ATG13: variants seen among roughly 807,000 people sequenced by gnomAD.
ATG13 encodes autophagy related 13, also known as autophagy-related protein 13.
In ATG13, 23 loss-of-function variants were observed where a neutral mutation model predicts 65.5. The ratio of observed to expected loss-of-function variants is 0.35; its 90% CI spans 0.25 to 0.50. The LOEUF is 0.50. ATG13 is among the 20% of genes least tolerant of loss of function. The probability of loss-of-function intolerance (pLI) is 0.98; values close to 1 mark genes in which losing one functional copy is unlikely to be tolerated. For synonymous variants in ATG13, 252 were observed against 245.2 expected, an observed-to-expected ratio of 1.03 and a Z score of -0.26; for missense variants, 566 against 677.0, an observed-to-expected ratio of 0.84 and a Z score of 1.82.
At chr11:46,640,864 C>T (rs2055751518) in intron 2 of ATG13, among the ~76,000 whole-genome samples, 1 of 152,140 alleles carries the variant, frequency 6.6e-6, no homozygotes, top group African/African-American at 2.4e-5. Flanking sequence ...AGCACTTGAA[C>T]GCTGCTGGAC....
At chr11:46,644,463 C>A in intron 3 of ATG13, 103 bp downstream of exon 3, 1 of 1,034,388 alleles carries the variant, frequency 9.7e-7, no homozygotes, top group Non-Finnish European at 1.4e-6. Context: ...CAGCTTGCAG[C>A]TTGCCCATTT....
chr11:46,645,477 A>C, intron 4 of ATG13, 58 bp downstream of exon 4: 5 of 1,458,898 alleles, frequency 3.4e-6, no homozygotes, highest in Non-Finnish European at 4.8e-6. Flanking sequence ...AGGAATGTGT[A>C]AAGTTCTCAA....
Position 46,667,855 on chromosome 11 carries a change from G to A in ATG13, c.1219G>A (p.Val407Met), listed in dbSNP as rs1015574920. 6.2e-7 allele frequency: 1 copy of A among 1,612,910 alleles called. No individual in the cohort carries two copies. Among genetic ancestry groups the A allele is most frequent in the Non-Finnish European group, 8.5e-7 (1 of 1,178,978 alleles). ...CTTGGAGACCATCTTTGTCCGAAAA[G>A]TGGGGGCTTTTGTCAACAAACCCAT... ...DVLETIFVRKVGAFVNKPINQ... is the reference protein window; with the variant it reads ...DVLETIFVRKMGAFVNKPINQ... The change falls in exon 15 of 19, where the codon GTG becomes ATG. Residue 407 changes from valine (V) to methionine (M), a missense_variant. Val to Met is a conservative substitution (Grantham distance 21, BLOSUM62 1). Coordinates refer to ENST00000683050, the MANE Select transcript of ATG13 (RefSeq NM_001346311.2).
intron 14 of ATG13, 113 bp from the exon 15 acceptor site, chr11:46,667,660 T>G: frequency 1.5e-6 from 1 of 688,134 alleles, no homozygotes; most frequent in Non-Finnish European, 2.4e-6. Context: ...GATGGGCCAG[T>G]GGGGACCAAC....
At chr11:46,618,208 G>A (rs536012302) in intron 1 of ATG13, 28 of 266,524 alleles carry the variant, frequency 1.1e-4, no homozygotes, top group African/African-American at 5.3e-4. Context: ...AGTGAGGTAG[G>A]TTTTCATTCA....
At chr11:46,657,693 G>A in intron 10 of ATG13, 71 bp downstream of exon 10, 5 of 1,366,350 alleles carry the variant, frequency 3.7e-6, no homozygotes, top group Non-Finnish European at 5.0e-6. Context: ...CAAGCACATG[G>A]AACACTTTTC....
At chr11:46,628,082 C>CA (rs561371295) in intron 1 of ATG13, among the ~76,000 whole-genome samples, 5,191 of 51,918 alleles carry the variant, frequency 0.1, 432 homozygotes, top group African/African-American at 0.27. Flanking sequence ...GACCTTGTCT[C>CA]AAAAAAAAAA....
In ATG13 at chr11:46,644,303, T is replaced by C; in HGVS notation, c.12T>C (p.Asp4=). 6.2e-7 allele frequency: 1 copy of C among 1,605,610 alleles called. No individual in the cohort carries two copies. The highest frequency in any genetic ancestry group is 1.1e-5 in the South Asian group (1 of 89,040). MET[D]LNSQDRKDLD... is the part of the protein sequence containing the mutation. ...GATTCCTATAGGCAATGGAAACTGA[T>C]CTCAATTCCCAGGACAGAAAGGACC... The change falls in exon 3 of 19, where the codon GAT becomes GAC. Residue 4 remains aspartate (D), a synonymous_variant. Transcript: ENST00000683050.
At chr11:46,658,631 G>T (rs2060510529) in intron 10 of ATG13, among the ~76,000 whole-genome samples, 1 of 151,808 alleles carries the variant, frequency 6.6e-6, no homozygotes, top group Non-Finnish European at 1.5e-5. Context: ...CACCTCTTGG[G>T]TTCAAACAGT....
intron 11 of ATG13, among the ~76,000 whole-genome samples, chr11:46,662,764 A>T (rs531520742): frequency 6.6e-6 from 1 of 152,264 alleles, no homozygotes; most frequent in South Asian, 2.1e-4. Flanking sequence ...TTTCTTAGTG[A>T]CTTGCATAAT....
chr11:46,667,703 G>A, intron 14 of ATG13, 70 bp from the exon 15 acceptor site: 1 of 1,229,664 alleles, frequency 8.1e-7, no homozygotes, highest in Admixed American at 1.9e-5. Flanking sequence ...ACCAGATGGT[G>A]TATTTATAGT....
chr11:46,648,967 A>T, intron 5 of ATG13, 170 bp from the exon 6 acceptor site: 1 of 504,324 alleles, frequency 2.0e-6, no homozygotes, highest in Non-Finnish European at 3.4e-6. Context: ...TCAAAATAGC[A>T]TATAGACTGT....
chr11:46,619,096 T>C (rs1172697402), intron 1 of ATG13, among the ~76,000 whole-genome samples: 2 of 152,186 alleles, frequency 1.3e-5, no homozygotes, highest in African/African-American at 4.8e-5. Flanking sequence ...AACCGTCATT[T>C]TTCCTGCATG....
At chr11:46,619,994 A>G (rs1229106635) in intron 1 of ATG13, among the ~76,000 whole-genome samples, 3 of 144,014 alleles carry the variant, frequency 2.1e-5, no homozygotes, top group African/African-American at 2.6e-5. Flanking sequence ...ACGCCATTGC[A>G]CTCCAGCCCG....
At chr11:46,619,543 C>T (rs2046658559) in intron 1 of ATG13, among the ~76,000 whole-genome samples, 1 of 151,378 alleles carries the variant, frequency 6.6e-6, no homozygotes, top group African/African-American at 2.4e-5. Context: ...TGCCAGCACG[C>T]CCAGCTAATT....
chr11:46,656,159 T>G, intron 7 of ATG13, 74 bp from the exon 8 acceptor site: 1 of 1,331,346 alleles, frequency 7.5e-7, no homozygotes, highest in Non-Finnish European at 1.1e-6. Context: ...TTATTTTGTT[T>G]CTACGTGTTT....
intron 1 of ATG13, among the ~76,000 whole-genome samples, chr11:46,622,100 T>C (rs1337334297): frequency 3.0e-5 from 2 of 67,566 alleles, no homozygotes; most frequent in African/African-American, 6.8e-5. Flanking sequence ...TATATATATA[T>C]ATATATATAT....
intron 15 of ATG13, 65 bp downstream of exon 15, chr11:46,667,952 G>C: frequency 7.6e-7 from 1 of 1,321,704 alleles, no homozygotes; most frequent in East Asian, 2.3e-5. Context: ...CCCACAGGCA[G>C]TTTTCTTAAC....
intron 2 of ATG13, 84 bp downstream of exon 2, chr11:46,630,184 G>GA (rs2135895585): frequency 6.6e-6 from 1 of 152,310 alleles, no homozygotes; most frequent in Admixed American, 6.5e-5. Context: ...TGCAAGAATA[G>GA]AATGGGAAAA....
Sources: gnomAD v4.1 joint callset for allele counts (sites outside exome capture counted in the v4.1 genomes callset) on GRCh38, gnomAD v4.1.1 for gene constraint, MANE v1.5 for transcripts, NCBI Gene and HGNC (gene_info 2026-07-23, HGNC 2026-07-21) for gene names.